Variants in CREBBP observed in about 807,000 individuals in gnomAD.
CREBBP encodes the protein CREB-binding protein.
CREBBP carries 19 observed loss-of-function variants against 265.0 expected under a neutral mutation model. That is an observed-to-expected ratio of 0.07 (90% confidence interval 0.05 to 0.11). The LOEUF is 0.11. CREBBP is among the 10% of genes least tolerant of loss of function. The probability of loss-of-function intolerance (pLI) is 1.00; values close to 1 mark genes in which losing one functional copy is unlikely to be tolerated. For synonymous variants in CREBBP, 1,457 were observed against 1,223.7 expected (o/e 1.19, Z -3.98); for missense variants, 2,525 against 3,219.0 (o/e 0.78, Z 5.22).
At chr16:3,865,758 C>T (rs1174046491) in intron 1 of CREBBP, among the ~76,000 whole-genome samples, 1 of 152,128 alleles carries the variant, frequency 6.6e-6, no homozygotes, top group Non-Finnish European at 1.5e-5. Flanking sequence ...CCTGCCTCAG[C>T]CTCCTGAGTG....
intron 1 of CREBBP, among the ~76,000 whole-genome samples, chr16:3,866,594 AT>A (rs923359817): frequency 7.9e-5 from 12 of 152,166 alleles, no homozygotes; most frequent in South Asian, 2.1e-4. Context: ...TTTGTTTTGA[AT>A]TTTTTTAACT....
intron 1 of CREBBP, among the ~76,000 whole-genome samples, chr16:3,876,310 G>C (rs1045567879): frequency 2.2e-5 from 3 of 134,442 alleles, no homozygotes; most frequent in African/African-American, 8.2e-5. Context: ...TAAGCACTGG[G>C]ATTATAGGCA....
rs1239051925 is a variant in CREBBP at position 3,728,987 on chromosome 16, C to G, written c.6060G>C (p.Gln2020His). 2 of 1,595,752 alleles carry G rather than the reference C, an allele frequency of 1.3e-6. No homozygotes were observed. Among genetic ancestry groups the G allele is most frequent in the Non-Finnish European group, 8.5e-7 (1 of 1,176,488 alleles). ...GPVMPSMPPG[Q>H]WQQAPLPQQQ... ...GCTGGGGAAGGGGCGCCTGCTGCCA[C>G]TGCCCGGGAGGCATGCTGGGCATGA... The change falls in exon 31 of 31, where the codon CAG (glutamine) becomes CAC (histidine). Residue 2020 changes from glutamine (Q) to histidine (H), a missense_variant. Gln to His is a conservative substitution (Grantham distance 24). Transcript: ENST00000262367. This position sits in a 1 kb window ranked among gnomAD's most constrained non-coding sequence, Gnocchi z 8.7.
At chr16:3,835,779 A>C (rs2054435765) in intron 2 of CREBBP, among the ~76,000 whole-genome samples, 1 of 151,404 alleles carries the variant, frequency 6.6e-6, no homozygotes, top group Non-Finnish European at 1.5e-5. Flanking sequence ...TGGGGGTTTC[A>C]CCACGTTAGC....
chr16:3,740,619 A>G, intron 23 of CREBBP, 70 bp from the exon 24 acceptor site: 1 of 1,560,362 alleles, frequency 6.4e-7, no homozygotes, highest in Non-Finnish European at 8.8e-7. Context: ...GAGACTAGAG[A>G]ATCCACCCCA....
At chr16:3,820,196 C>A (rs1006605549) in intron 2 of CREBBP, among the ~76,000 whole-genome samples, 2 of 152,214 alleles carry the variant, frequency 1.3e-5, no homozygotes, top group African/African-American at 2.4e-5. Context: ...GGCAACCTAC[C>A]ATTGTTGGAA....
At chr16:3,738,379 G>A (rs2052122613) in intron 26 of CREBBP, among the ~76,000 whole-genome samples, 180 bp downstream of exon 26, 1 of 151,554 alleles carries the variant, frequency 6.6e-6, no homozygotes, top group Non-Finnish European at 1.5e-5. Flanking sequence ...ACGTGCCCAG[G>A]AGCCAGACCT....
intron 19 of CREBBP, among the ~76,000 whole-genome samples, chr16:3,754,621 C>CTAT (rs1488235055): frequency 6.6e-6 from 1 of 152,052 alleles, no homozygotes; most frequent in Non-Finnish European, 1.5e-5. Context: ...GTTTTAAGTA[C>CTAT]CATATCAGTA....
intron 1 of CREBBP, among the ~76,000 whole-genome samples, chr16:3,864,658 T>A (rs183389208): frequency 1.3e-5 from 2 of 151,608 alleles, no homozygotes; most frequent in African/African-American, 2.4e-5. Context: ...AAAATAATAA[T>A]AAAAAGGTAC....
chr16:3,798,932 A>G (rs2053659029), intron 3 of CREBBP, among the ~76,000 whole-genome samples: 1 of 152,236 alleles, frequency 6.6e-6, no homozygotes, highest in African/African-American at 2.4e-5. Flanking sequence ...TACAATTCAA[A>G]TGCCCATCAA....
chr16:3,783,019 A>G (rs2053309513), intron 5 of CREBBP, 93 bp from the exon 6 acceptor site: 2 of 1,495,662 alleles, frequency 1.3e-6, no homozygotes, highest in African/African-American at 1.4e-5. Context: ...AAGCAAATAC[A>G]TTTCATCAAA....
intron 5 of CREBBP, among the ~76,000 whole-genome samples, 198 bp downstream of exon 5, chr16:3,791,783 A>G (rs903260065): frequency 1.6e-4 from 25 of 152,232 alleles, no homozygotes; most frequent in African/African-American, 6.0e-4. Context: ...TCAGGGTCCA[A>G]CATTATCACA....
chr16:3,752,902 T>C (rs2052506321), intron 19 of CREBBP, among the ~76,000 whole-genome samples: 1 of 152,122 alleles, frequency 6.6e-6, no homozygotes, highest in African/African-American at 2.4e-5. Flanking sequence ...CTACTAAATG[T>C]TTGGAAAGGA....
chr16:3,777,383 A>AATAC (rs941646975), intron 11 of CREBBP, among the ~76,000 whole-genome samples: 1 of 152,126 alleles, frequency 6.6e-6, no homozygotes, highest in African/African-American at 2.4e-5. Context: ...TAAATAAATA[A>AATAC]ATAGCTAAAT....
chr16:3,833,048 C>T (rs763041284), intron 2 of CREBBP, among the ~76,000 whole-genome samples: 7 of 152,166 alleles, frequency 4.6e-5, no homozygotes, highest in African/African-American at 1.4e-4. Context: ...TTATACTTAA[C>T]GAAAGGCTGA....
rs367715909 is a variant in CREBBP, at chr16:3,750,055, T to C, written c.3780-372A>G. On this transcript the variant is annotated intron_variant, in intron 20 of 30. Coordinates refer to ENST00000262367, the MANE Select transcript of CREBBP (RefSeq NM_004380.3). ...GGCATGCACCACCAGGACTGGCTAA[T>C]TTTTTGATTTTTTGTGGAGATGAGG... 5.9e-5 allele frequency among the ~76,000 whole-genome samples: 9 copies of C among 152,220 alleles called. No homozygotes were observed. In the South Asian group the frequency reaches 1.2e-3, roughly 21 times the overall value.
At chr16:3,796,684 G>T (rs577317175) in intron 3 of CREBBP, among the ~76,000 whole-genome samples, 1 of 152,254 alleles carries the variant, frequency 6.6e-6, no homozygotes, top group South Asian at 2.1e-4. Context: ...ACCACGCCCA[G>T]CCTGGCATGT....
chr16:3,871,358 C>T (rs952038323), intron 1 of CREBBP, among the ~76,000 whole-genome samples: 2 of 152,162 alleles, frequency 1.3e-5, no homozygotes, highest in African/African-American at 4.8e-5. Context: ...CCACACTGAC[C>T]GCCTCCCCGT....
chr16:3,850,865 C>T lies in CREBBP; in HGVS notation c.230G>A (p.Gly77Asp). The T allele has an allele frequency of 6.2e-7, 1 of 1,614,174 alleles. No individual in the cohort carries two copies. The highest frequency in any genetic ancestry group is 1.6e-4 in the Middle Eastern group (1 of 6,062). ...TCCTGGGTTGATACTAGAGCCGCTG[C>T]CTCCTCGTAGAAGCTCCGACAGTTG... ...HKQLSELLRG[G>D]SGSSINPGIG... is the part of the protein sequence containing the mutation. Residue 77 changes from glycine to aspartate, a missense_variant, in exon 2 of 31, where the codon GGC becomes GAC. Gly to Asp is a moderately conservative substitution (Grantham distance 94). Around this residue, in one of 19 missense-constraint regions of CREBBP, gnomAD observed 356 missense variants for 340.4 expected, o/e 1.05. Coordinates refer to ENST00000262367, the MANE Select transcript of CREBBP (RefSeq NM_004380.3).
Sources: gnomAD v4.1 joint callset for allele counts (sites outside exome capture counted in the v4.1 genomes callset) on GRCh38, gnomAD v4.1.1 for gene constraint, gnomAD v4.1.1 regional missense constraint, Gnocchi (gnomAD v3.1) non-coding constraint, MANE v1.5 for transcripts, NCBI Gene and HGNC (gene_info 2026-07-23, HGNC 2026-07-21) for gene names.